RAPGEF2: variants seen among roughly 807,000 people sequenced by gnomAD.
The protein encoded by RAPGEF2 is Rap guanine nucleotide exchange factor 2, also known as PDZ domain containing guanine nucleotide exchange factor (GEF) 1.
A neutral mutation model predicts 186.7 loss-of-function variants in RAPGEF2; 54 were observed. The observed-to-expected ratio is 0.29, with a 90% CI of 0.23 to 0.36. The LOEUF (loss-of-function observed/expected upper bound fraction) is 0.36, where lower values mean the gene tolerates loss of function less well. Among genes scored for constraint, RAPGEF2 ranks in the 10% least tolerant of loss-of-function variants. The pLI is 1.00. For missense variants in RAPGEF2, 1,532 were observed against 2,045.0 expected, an observed-to-expected ratio of 0.75 and a Z score of 4.84; for synonymous variants, 712 against 705.9, an observed-to-expected ratio of 1.01 and a Z score of -0.14.
At chr4:159,111,662 A>G (rs1738513147) in intron 1 of RAPGEF2, among the ~76,000 whole-genome samples, 1 of 152,196 alleles carries the variant, frequency 6.6e-6, no homozygotes, top group African/African-American at 2.4e-5. Flanking sequence ...TACTATGGTG[A>G]TTATCTGATT....
At chr4:159,227,508 CT>C (rs1044865672) in intron 4 of RAPGEF2, among the ~76,000 whole-genome samples, 2 of 152,142 alleles carry the variant, frequency 1.3e-5, no homozygotes, top group African/African-American at 2.4e-5. Flanking sequence ...TGGACCATAA[CT>C]TTTATACAAA....
At chr4:159,208,056 C>T (rs1690228608) in intron 3 of RAPGEF2, among the ~76,000 whole-genome samples, 6 of 152,166 alleles carry the variant, frequency 3.9e-5, no homozygotes, top group Admixed American at 2.6e-4. Context: ...TCAAACTGAA[C>T]TCTTTGACAG....
chr4:159,290,293 C>G (rs1192840151), intron 7 of RAPGEF2, among the ~76,000 whole-genome samples: 7 of 152,166 alleles, frequency 4.6e-5, no homozygotes, highest in African/African-American at 1.7e-4. Flanking sequence ...GGAAGTTAAA[C>G]TTTTTGTATC....
In RAPGEF2 at chr4:159,133,695, T is replaced by C. The variant is rs1436924716; in HGVS notation, c.69+29464T>C. Reference sequence around the variant, plus strand: ...ACCTCCCGGGTTCATGCCATTCTCCTGCCTCAGCCTCCCGAGTAGCTGGGA... The same window carrying C: ...ACCTCCCGGGTTCATGCCATTCTCCCGCCTCAGCCTCCCGAGTAGCTGGGA... On this transcript the variant is annotated intron_variant, in intron 1 of 29. Coordinates refer to ENST00000691494, the MANE Select transcript of RAPGEF2 (RefSeq NM_001394067.2). Among the ~76,000 whole-genome samples the C allele has an allele frequency of 2.6e-5, 4 of 152,214 alleles. No homozygotes were observed. In the East Asian group the frequency reaches 7.7e-4, roughly 29 times the overall value.
chr4:159,128,268 A>C (rs756457385), intron 1 of RAPGEF2, among the ~76,000 whole-genome samples: 2 of 152,142 alleles, frequency 1.3e-5, no homozygotes, highest in Non-Finnish European at 2.9e-5. Context: ...GCTGGAAGAG[A>C]GGGACTGATG....
At chr4:159,288,684 G>A (rs1230349589) in intron 7 of RAPGEF2, among the ~76,000 whole-genome samples, 2 of 152,090 alleles carry the variant, frequency 1.3e-5, no homozygotes, top group African/African-American at 4.8e-5. Context: ...GTACCACTCA[G>A]CCTTTCTCAC....
In RAPGEF2 at chr4:159,289,984, GA is replaced by G. The variant is rs1391874948; in HGVS notation, c.544-14356del. Among the ~76,000 whole-genome samples, 3 of 152,244 alleles carry G rather than the reference GA, an allele frequency of 2.0e-5. No homozygotes were observed. In the East Asian group the frequency reaches 5.8e-4, roughly 29 times the overall value. The stretch of plus-strand genomic sequence containing the variant: ...GAAGACAGTGGGGTGCAGTGGTTAG[GA>G]ATATAACTTTTTCCAAAGGGAAAGA... On this transcript the variant is annotated intron_variant, in intron 7 of 29. Coordinates refer to ENST00000691494, the MANE Select transcript of RAPGEF2 (RefSeq NM_001394067.2).
At chr4:159,274,859 A>T (rs1165952891) in intron 7 of RAPGEF2, among the ~76,000 whole-genome samples, 1 of 152,212 alleles carries the variant, frequency 6.6e-6, no homozygotes, top group Non-Finnish European at 1.5e-5. Flanking sequence ...AGCACACTTT[A>T]AAAATGCAAC....
chr4:159,104,553 A>AGAGAGAGAGAGTGT (rs1553991869), intron 1 of RAPGEF2, among the ~76,000 whole-genome samples: 5 of 136,028 alleles, frequency 3.7e-5, no homozygotes, highest in African/African-American at 5.9e-5. Context: ...AGAGAGAGAG[A>AGAGAGAGAGAGTGT]GTGTGTGTGT....
At position 159,353,264 on chromosome 4, in the gene RAPGEF2, C is replaced by T. The variant is rs1270942041; in HGVS notation, c.4092-223C>T. 2.0e-5 allele frequency among the ~76,000 whole-genome samples: 3 copies of T among 149,918 alleles called. No individual in the cohort carries two copies. In the East Asian group the frequency reaches 5.8e-4, roughly 29 times the overall value. ...GGGAATTTTTTTTTTTTTAATGGCA[C>T]GTTGCGTTCTTTTCCCGCATGCCTG... On this transcript the variant is annotated intron_variant, in intron 27 of 29. Coordinates refer to ENST00000691494, the MANE Select transcript of RAPGEF2 (RefSeq NM_001394067.2). The surrounding 1 kb of genome is among the most constrained non-coding windows in gnomAD (Gnocchi z 4.3).
chr4:159,138,588 G>C (rs562544558), intron 1 of RAPGEF2, among the ~76,000 whole-genome samples: 6 of 152,304 alleles, frequency 3.9e-5, no homozygotes, highest in Admixed American at 2.6e-4. Context: ...ATGATCTCTT[G>C]TGGTAGGTTA....
intron 7 of RAPGEF2, chr4:159,267,013 G>T: frequency 2.9e-6 from 1 of 348,432 alleles, no homozygotes; most frequent in Non-Finnish European, 5.3e-6. Context: ...TGAGTGAAAT[G>T]GTTAAGTAGA....
At chr4:159,225,172 A>G (rs1751899868) in intron 4 of RAPGEF2, among the ~76,000 whole-genome samples, 1 of 152,196 alleles carries the variant, frequency 6.6e-6, no homozygotes, top group Admixed American at 6.5e-5. Flanking sequence ...AAAGAATACC[A>G]GAGGAAAAGA....
intron 1 of RAPGEF2, among the ~76,000 whole-genome samples, chr4:159,134,934 C>T (rs1171212720): frequency 2.0e-5 from 3 of 152,202 alleles, no homozygotes; most frequent in Non-Finnish European, 4.4e-5. Context: ...CTGGACATTT[C>T]ATGTAAATAG....
chr4:159,350,262 A>G lies in RAPGEF2; in HGVS notation c.3838A>G (p.Thr1280Ala), dbSNP rs376377133. The change falls in exon 26 of 30, where the codon ACT becomes GCT. Residue 1280 changes from threonine (T) to alanine (A), a missense_variant. Thr to Ala is a moderately conservative substitution (Grantham distance 58). This residue lies in a region of RAPGEF2 where 594 missense variants were observed against 608.5 expected (regional missense o/e 0.98). Transcript: ENST00000691494. ...NASSQLSSPP[T>A]SPQSSPRKGY... is the part of the protein sequence containing the mutation. ...ATCTTCGCAGCTTTCTTCTCCTCCT[A>G]CTTCTCCACAGAGTTCTCCAAGGAA... 1.2e-5 allele frequency: 19 copies of G among 1,594,636 alleles called. No individual in the cohort carries two copies. The highest frequency in any genetic ancestry group is 1.5e-5 in the Non-Finnish European group (18 of 1,171,802).
chr4:159,346,408 C>A (rs910199371), intron 24 of RAPGEF2, among the ~76,000 whole-genome samples: 1 of 152,180 alleles, frequency 6.6e-6, no homozygotes, highest in African/African-American at 2.4e-5. Flanking sequence ...CAATTTGGGA[C>A]ACCGTTTTAG....
chr4:159,155,829 C>A (rs898966444), intron 1 of RAPGEF2, among the ~76,000 whole-genome samples: 4 of 151,182 alleles, frequency 2.6e-5, no homozygotes, highest in Admixed American at 1.3e-4. Flanking sequence ...AATTTCCTCT[C>A]GGTACTATTT....
intron 4 of RAPGEF2, among the ~76,000 whole-genome samples, chr4:159,212,778 G>A (rs1025270160): frequency 6.6e-6 from 1 of 152,088 alleles, no homozygotes; most frequent in South Asian, 2.1e-4. Context: ...TTAATACAGG[G>A]TCTGTTGTAC....
intron 7 of RAPGEF2, among the ~76,000 whole-genome samples, chr4:159,293,944 C>T (rs1290636560): frequency 6.6e-6 from 1 of 152,164 alleles, no homozygotes; most frequent in Non-Finnish European, 1.5e-5. Context: ...TCTAACTGTT[C>T]ATACTCCAGT....
Sources: gnomAD v4.1 joint callset for allele counts (sites outside exome capture counted in the v4.1 genomes callset) on GRCh38, gnomAD v4.1.1 for gene constraint, gnomAD v4.1.1 regional missense constraint, Gnocchi (gnomAD v3.1) non-coding constraint, MANE v1.5 for transcripts, NCBI Gene and HGNC (gene_info 2026-07-23, HGNC 2026-07-21) for gene names.